Variants in CNBD1 observed in about 807,000 individuals in gnomAD.
CNBD1 encodes cyclic nucleotide binding domain containing 1.
Under a neutral mutation model 54.4 loss-of-function variants are expected in CNBD1, and 71 were observed. The ratio of observed to expected loss-of-function variants is 1.30; its 90% CI spans 1.08 to 1.59. The LOEUF is 1.59. CNBD1 is among the 40% of genes most tolerant of loss of function. The pLI is 0.00. For missense variants in CNBD1, 659 were observed against 518.0 expected (o/e 1.27, Z -2.64); for synonymous variants, 182 against 170.7 (o/e 1.07, Z -0.51).
intron 8 of CNBD1, among the ~76,000 whole-genome samples, chr8:87,301,849 A>G (rs1809003506): frequency 6.6e-6 from 1 of 152,208 alleles, no homozygotes; most frequent in East Asian, 1.9e-4. Context: ...ATCAGAGAAT[A>G]ATATAAACAC....
chr8:87,201,083 C>T (rs1586325358), intron 4 of CNBD1, among the ~76,000 whole-genome samples: 2 of 151,858 alleles, frequency 1.3e-5, no homozygotes, highest in South Asian at 2.1e-4. Flanking sequence ...AATGCAGGGT[C>T]GCTCTAACAT....
intron 2 of CNBD1, among the ~76,000 whole-genome samples, chr8:87,412,431 G>A (rs1333542442): frequency 6.6e-6 from 1 of 152,060 alleles, no homozygotes; most frequent in East Asian, 1.9e-4. Flanking sequence ...TAAAAGAAAT[G>A]TGCCTATCAT....
chr8:87,364,791 T>C (rs1162353958), intron 10 of CNBD1, among the ~76,000 whole-genome samples: 2 of 152,068 alleles, frequency 1.3e-5, no homozygotes, highest in Non-Finnish European at 2.9e-5. Context: ...TGTCCCCCAG[T>C]TCCATCCACA....
At chr8:87,006,444 G>A (rs112328189) in intron 4 of CNBD1, among the ~76,000 whole-genome samples, 4,557 of 152,228 alleles carry the variant, frequency 0.03, 235 homozygotes, top group African/African-American at 0.1. Flanking sequence ...ATAAAGAAAA[G>A]AGGTTTAATT....
rs1364352466 is a variant in CNBD1 at position 87,204,936 on chromosome 8, G to A, written c.432-1057G>A. On this transcript the variant is annotated intron_variant, in intron 4 of 10. Coordinates refer to ENST00000518476, the MANE Select transcript of CNBD1 (RefSeq NM_173538.3). ...TTTCTCAAAACTATTTCTCAGGACTGTATACTAAGCTAGTATTTTTAAACT... is the reference window on the plus strand; with the variant it reads ...TTTCTCAAAACTATTTCTCAGGACTATATACTAAGCTAGTATTTTTAAACT... 2.6e-5 allele frequency among the ~76,000 whole-genome samples: 4 copies of A among 151,572 alleles called. 1 individual carries two copies. Among genetic ancestry groups the A allele is most frequent in the Admixed American group, 6.6e-5 (1 of 15,202 alleles).
At chr8:87,335,704 A>G (rs1202474964) in intron 8 of CNBD1, among the ~76,000 whole-genome samples, 2 of 152,128 alleles carry the variant, frequency 1.3e-5, no homozygotes, top group African/African-American at 4.8e-5. Flanking sequence ...GCTTATTTAC[A>G]TTTAAGGTTA....
At chr8:87,206,370 A>G (rs1194370160) in intron 5 of CNBD1, among the ~76,000 whole-genome samples, 5 of 152,114 alleles carry the variant, frequency 3.3e-5, no homozygotes, top group Non-Finnish European at 7.4e-5. Context: ...CTGGAGCATG[A>G]CTCAGAATTA....
intron 8 of CNBD1, among the ~76,000 whole-genome samples, chr8:87,350,678 T>C (rs1218853403): frequency 6.6e-6 from 1 of 152,054 alleles, no homozygotes; most frequent in Admixed American, 6.6e-5. Flanking sequence ...TTTATATACT[T>C]TATAAAATTA....
intron 4 of CNBD1, among the ~76,000 whole-genome samples, chr8:87,123,999 TAAAAG>T (rs1811944511): frequency 1.3e-5 from 2 of 151,752 alleles, no homozygotes; most frequent in South Asian, 4.1e-4. Flanking sequence ...ATTCTTCAAT[TAAAAG>T]AAAACATCCT....
intron 8 of CNBD1, among the ~76,000 whole-genome samples, chr8:87,291,582 A>G (rs898203018): frequency 6.6e-6 from 1 of 152,104 alleles, no homozygotes; most frequent in African/African-American, 2.4e-5. Context: ...GCCTTGGGTC[A>G]GATTTGGTCC....
intron 8 of CNBD1, among the ~76,000 whole-genome samples, chr8:87,291,349 AATG>A (rs1410501720): frequency 6.6e-6 from 1 of 152,122 alleles, no homozygotes; most frequent in East Asian, 1.9e-4. Flanking sequence ...TTGTTAAGAT[AATG>A]TTTTCTGGAC....
At chr8:87,173,999 A>G (rs2337003) in intron 4 of CNBD1, among the ~76,000 whole-genome samples, 86,514 of 151,600 alleles carry the variant, frequency 0.57, 26,031 homozygotes, top group African/African-American at 0.77. Flanking sequence ...TCACTCTGTC[A>G]CCAGGCTGGA....
intron 4 of CNBD1, among the ~76,000 whole-genome samples, chr8:87,061,482 C>G (rs1009168624): frequency 6.6e-6 from 1 of 152,186 alleles, no homozygotes; most frequent in Non-Finnish European, 1.5e-5. Flanking sequence ...TCTGTCCCCA[C>G]TGACTTCCCA....
At chr8:87,087,969 A>G (rs979472354) in intron 4 of CNBD1, among the ~76,000 whole-genome samples, 5 of 152,182 alleles carry the variant, frequency 3.3e-5, no homozygotes, top group African/African-American at 9.7e-5. Context: ...CCATTACTCC[A>G]TATTTATTTT....
At chr8:87,205,925 T>A in intron 4 of CNBD1, 68 bp from the exon 5 acceptor site, 1 of 1,227,396 alleles carries the variant, frequency 8.1e-7, no homozygotes, top group Non-Finnish European at 1.1e-6. Flanking sequence ...ACTTAAAAAT[T>A]AAGGATCTGT....
intron 2 of CNBD1, among the ~76,000 whole-genome samples, chr8:86,898,377 T>A (rs991377380): frequency 6.6e-6 from 1 of 152,160 alleles, no homozygotes; most frequent in Non-Finnish European, 1.5e-5. Context: ...GCTTGTATAC[T>A]CTTTGAATTA....
At chr8:86,925,181 C>A (rs1172448004) in intron 3 of CNBD1, among the ~76,000 whole-genome samples, 1 of 152,118 alleles carries the variant, frequency 6.6e-6, no homozygotes, top group Non-Finnish European at 1.5e-5. Flanking sequence ...ACAAAGTCAG[C>A]ACTCTTGGTT....
Position 86,909,135 on chromosome 8 carries a change from A to G in CNBD1, c.272+3941A>G, listed in dbSNP as rs1460215946. Reference sequence around the variant, plus strand: ...CATAATGGTCATTTTTTTTAAAACAACAACAACAAAATGTGATTGCCATTT... The same window carrying G: ...CATAATGGTCATTTTTTTTAAAACAGCAACAACAAAATGTGATTGCCATTT... On this transcript the variant is annotated intron_variant, in intron 3 of 10. Transcript: ENST00000518476. 2.6e-5 allele frequency among the ~76,000 whole-genome samples: 4 copies of G among 152,140 alleles called. 1 individual carries two copies. Among genetic ancestry groups the G allele is most frequent in the African/African-American group, 9.7e-5 (4 of 41,434 alleles).
At chr8:87,206,455 G>C (rs1316733876) in intron 5 of CNBD1, among the ~76,000 whole-genome samples, 4 of 152,104 alleles carry the variant, frequency 2.6e-5, no homozygotes, top group African/African-American at 9.7e-5. Context: ...ATAGGATGAG[G>C]CCTCAATTTC....
Sources: gnomAD v4.1 joint callset for allele counts (sites outside exome capture counted in the v4.1 genomes callset) on GRCh38, gnomAD v4.1.1 for gene constraint, MANE v1.5 for transcripts, NCBI Gene and HGNC (gene_info 2026-07-23, HGNC 2026-07-21) for gene names.